The following SLC4A7 variants were observed in gnomAD, a reference collection of about 807,000 sequenced individuals.
The protein encoded by SLC4A7 is solute carrier family 4 member 7.
A neutral mutation model predicts 137.6 loss-of-function variants in SLC4A7; 51 were observed. That is an observed-to-expected ratio of 0.37 (90% CI 0.30 to 0.47). The LOEUF (loss-of-function observed/expected upper bound fraction) is 0.47. SLC4A7 is among the 20% of genes least tolerant of loss of function. The pLI is 1.00. For missense variants in SLC4A7, 1,247 were observed against 1,525.4 expected (o/e 0.82, Z 3.04); for synonymous variants, 542 against 518.6 (o/e 1.05, Z -0.61).
intron 8 of SLC4A7, chr3:27,422,748 G>C (rs1356662547): frequency 2.2e-6 from 1 of 455,582 alleles, no homozygotes; most frequent in South Asian, 1.6e-5. Context: ...ACCACTTACA[G>C]GGCTATCTAT....
At chr3:27,460,367 T>A (rs1476527348) in intron 1 of SLC4A7, among the ~76,000 whole-genome samples, 1 of 152,174 alleles carries the variant, frequency 6.6e-6, no homozygotes, top group African/African-American at 2.4e-5. Context: ...GCATAACATT[T>A]ACATTCCATT....
chr3:27,454,095 A>G (rs13061912), intron 1 of SLC4A7, among the ~76,000 whole-genome samples: 32,445 of 152,002 alleles, frequency 0.21, 3,512 homozygotes, highest in Non-Finnish European at 0.25. Context: ...AGTATCACTT[A>G]AGCTAGGAGT....
chr3:27,440,119 T>C (rs7646087), intron 3 of SLC4A7, among the ~76,000 whole-genome samples: 19,494 of 152,188 alleles, frequency 0.13, 1,238 homozygotes, highest in Middle Eastern at 0.19. Flanking sequence ...ACCTGGTGGA[T>C]TAAATAACAC....
At chr3:27,408,807 C>A (rs2053631014) in intron 13 of SLC4A7, among the ~76,000 whole-genome samples, 1 of 152,102 alleles carries the variant, frequency 6.6e-6, no homozygotes, top group African/African-American at 2.4e-5. Flanking sequence ...ATTATATTTT[C>A]CAAATAAAAG....
At chr3:27,421,890 G>T in intron 8 of SLC4A7, 111 bp from the exon 9 acceptor site, 1 of 711,696 alleles carries the variant, frequency 1.4e-6, no homozygotes. Context: ...ATCAAAACTT[G>T]TGATCTAATG....
chr3:27,425,394 G>C (rs1482006612), intron 7 of SLC4A7, among the ~76,000 whole-genome samples: 2 of 71,504 alleles, frequency 2.8e-5, no homozygotes, highest in Non-Finnish European at 5.5e-5. Flanking sequence ...AAAAAAAAAA[G>C]GGCCAGGCGC....
Position 27,375,705 on chromosome 3 carries a change from A to C in SLC4A7, c.*1059T>G. ...TGTTTATATAATATTTAAGCATCAT[A>C]TCAAAATAAATATTTTAAAATAAAA... On this transcript the variant is annotated 3_prime_UTR_variant, in exon 26 of 26. Transcript: ENST00000454389. 6.6e-6 allele frequency: 1 copy of C among 152,466 alleles called. No individual in the cohort carries two copies. The highest frequency in any genetic ancestry group is 1.9e-4 in the East Asian group (1 of 5,202). 9.4% of individuals were successfully genotyped at this position (152,466 alleles called of 1,614,324 possible). A position where few individuals can be genotyped will look rare whatever the true frequency, so the allele number is the denominator to read the frequency against.
intron 7 of SLC4A7, among the ~76,000 whole-genome samples, chr3:27,427,485 T>C (rs1416465163): frequency 6.6e-6 from 1 of 152,026 alleles, no homozygotes; most frequent in African/African-American, 2.4e-5. Context: ...ATTTTATACA[T>C]ATAACTTTTA....
chr3:27,440,494 G>C (rs561546016), intron 3 of SLC4A7, among the ~76,000 whole-genome samples: 1 of 151,752 alleles, frequency 6.6e-6, no homozygotes, highest in Non-Finnish European at 1.5e-5. Flanking sequence ...TTGGGAGGCC[G>C]AGGCAGGTGG....
chr3:27,403,003 C>A, intron 15 of SLC4A7, 136 bp downstream of exon 15: 1 of 725,108 alleles, frequency 1.4e-6, no homozygotes, highest in Non-Finnish European at 2.2e-6. Flanking sequence ...TCTGAAACAA[C>A]CATGTCACTA....
intron 15 of SLC4A7, among the ~76,000 whole-genome samples, chr3:27,402,163 C>A (rs993549200): frequency 7.2e-5 from 11 of 152,180 alleles, no homozygotes; most frequent in African/African-American, 2.7e-4. Context: ...CAATCAAATG[C>A]AGTTCCATAT....
Position 27,484,095 on chromosome 3 carries a change from C to T in SLC4A7, c.32G>A (p.Arg11Lys). 1 of 1,408,706 alleles carries T rather than the reference C, an allele frequency of 7.1e-7. No individual in the cohort carries two copies. Among genetic ancestry groups the T allele is most frequent in the Non-Finnish European group, 9.3e-7 (1 of 1,077,080 alleles). 87.3% of individuals were successfully genotyped at this position (1,408,706 alleles called of 1,614,324 possible). A position where few individuals can be genotyped will look rare whatever the true frequency, so the allele number is the denominator to read the frequency against. ...GCTCGTTACCCGGGTGAGTAGCGGT[C>T]TCATCTGCTCGCCGGCCCCATCAGC... MEADGAGEQMRPLLTRVTSRG... is the reference protein window; with the variant it reads MEADGAGEQMKPLLTRVTSRG... Residue 11 changes from arginine (R) to lysine (K), a missense_variant, in exon 1 of 26, where the codon AGA becomes AAA. Arg to Lys is a conservative substitution (Grantham distance 26). Transcript: ENST00000454389.
chr3:27,466,942 A>G (rs969999857), intron 1 of SLC4A7, among the ~76,000 whole-genome samples: 1 of 152,180 alleles, frequency 6.6e-6, no homozygotes, highest in Non-Finnish European at 1.5e-5. Flanking sequence ...TCCATTAACA[A>G]TGGATGAGTG....
chr3:27,437,325 T>C (rs1340136434), intron 4 of SLC4A7, 63 bp downstream of exon 4: 4 of 1,158,210 alleles, frequency 3.5e-6, no homozygotes, highest in East Asian at 5.6e-5. Context: ...CACTCCAGCC[T>C]GGGCAACAAG....
At chr3:27,378,510 G>A (rs997604194) in intron 25 of SLC4A7, among the ~76,000 whole-genome samples, 2 of 152,158 alleles carry the variant, frequency 1.3e-5, no homozygotes, top group Non-Finnish European at 1.5e-5. Context: ...TTACCAAACA[G>A]AATCCCTGAG....
At chr3:27,451,718 G>A (rs568795468) in intron 2 of SLC4A7, among the ~76,000 whole-genome samples, 9 of 152,046 alleles carry the variant, frequency 5.9e-5, no homozygotes, top group Non-Finnish European at 1.2e-4. Flanking sequence ...AACTAGTGAA[G>A]CCTAAATAAA....
At chr3:27,470,443 T>G (rs973200026) in intron 1 of SLC4A7, among the ~76,000 whole-genome samples, 2 of 151,954 alleles carry the variant, frequency 1.3e-5, no homozygotes, top group African/African-American at 4.8e-5. Flanking sequence ...AATAACAGCA[T>G]TTAATCTAAA....
chr3:27,476,619 T>TC (rs71624674), intron 1 of SLC4A7, among the ~76,000 whole-genome samples: 2,937 of 150,250 alleles, frequency 0.02, 46 homozygotes, highest in Non-Finnish European at 0.022. Flanking sequence ...GGGGCAGATG[T>TC]CCCCCTCATT....
intron 1 of SLC4A7, among the ~76,000 whole-genome samples, chr3:27,453,133 T>C (rs2058187711): frequency 1.3e-5 from 2 of 152,230 alleles, no homozygotes; most frequent in Admixed American, 6.5e-5. Flanking sequence ...ACAAAAAGAC[T>C]AAACATATTT....
Sources: allele counts gnomAD v4.1 joint callset (sites outside exome capture counted in the v4.1 genomes callset), GRCh38; gene constraint gnomAD v4.1.1; transcripts MANE v1.5; gene names NCBI Gene and HGNC (gene_info 2026-07-23, HGNC 2026-07-21).